The following C9orf40 variants were observed in gnomAD, a reference collection of about 807,000 sequenced individuals.
C9orf40 encodes the protein chromosome 9 open reading frame 40.
In C9orf40, 2 loss-of-function variants were observed where a neutral mutation model predicts 7.9. That is an observed-to-expected ratio of 0.25 (90% CI 0.10 to 0.80). The LOEUF (loss-of-function observed/expected upper bound fraction) is 0.80, where lower values mean the gene tolerates loss of function less well. Ranked by LOEUF, C9orf40 falls within the 30% of genes least tolerant of loss-of-function variation. The pLI, the probability that C9orf40 is intolerant of heterozygous loss-of-function variation, is 0.68. For missense variants in C9orf40, 256 were observed against 268.5 expected (o/e 0.95, Z 0.33); for synonymous variants, 113 against 117.6 (o/e 0.96, Z 0.25).
intron 1 of C9orf40, among the ~76,000 whole-genome samples, chr9:74,949,356 C>T (rs529773476): frequency 3.6e-4 from 55 of 152,272 alleles, no homozygotes; most frequent in African/African-American, 1.3e-3. Context: ...AAGACTCCAT[C>T]TCAATTTATG....
Position 74,948,108 on chromosome 9 carries a change from G to T in C9orf40, c.525C>A (p.Thr175=). ...LADIEDLSED[T]LTEATLQGRN... is the part of the protein sequence containing the mutation. The stretch of plus-strand genomic sequence containing the variant: ...TGCCCTGAAGTGTTGCTTCTGTCAG[G>T]GTGTCTTCACTTAAATCTTCAATGT... The change falls in exon 2 of 2, where the codon ACC becomes ACA. Residue 175 remains threonine (T), a synonymous_variant. Coordinates refer to ENST00000376854, the MANE Select transcript of C9orf40 (RefSeq NM_017998.3). 4.3e-6 allele frequency: 7 copies of T among 1,613,930 alleles called. No homozygotes were observed. Among genetic ancestry groups the T allele is most frequent in the Non-Finnish European group, 5.9e-6 (7 of 1,179,916 alleles).
chr9:74,952,417 C>A lies in C9orf40; in HGVS notation c.195G>T (p.Glu65Asp). 6.3e-7 allele frequency: 1 copy of A among 1,593,886 alleles called. No homozygotes were observed. The highest frequency in any genetic ancestry group is 8.5e-7 in the Non-Finnish European group (1 of 1,175,852). Reference sequence around the variant, plus strand: ...GGCGCTTGCTGGGCGAAGCCGAGGGCTCTGCCATGGTCCCTGCGTCGATTT... The same window carrying A: ...GGCGCTTGCTGGGCGAAGCCGAGGGATCTGCCATGGTCCCTGCGTCGATTT... ...KRKIDAGTMAEPSASPSKRRD... is the reference protein window; with the variant it reads ...KRKIDAGTMADPSASPSKRRD... Residue 65 changes from glutamate (E) to aspartate (D), a missense_variant, in exon 1 of 2, where the codon GAG becomes GAT. Physicochemically the swap from Glu to Asp is conservative, Grantham distance 45. Coordinates refer to ENST00000376854, the MANE Select transcript of C9orf40 (RefSeq NM_017998.3). The surrounding 1 kb of genome is among the most constrained non-coding windows in gnomAD (Gnocchi z 5.4).
Position 74,952,736 on chromosome 9 carries a change from A to C in C9orf40, c.-125T>G. On this transcript the variant is annotated 5_prime_UTR_variant, in exon 1 of 2. Transcript: ENST00000376854. This position sits in a 1 kb window ranked among gnomAD's most constrained non-coding sequence, Gnocchi z 5.4. The stretch of plus-strand genomic sequence containing the variant: ...GGCCGAAGTCGGGCGAGGAGGCGAC[A>C]GGACGCTGGAGGGGGTAGGGCGGGG... 1.2e-6 allele frequency: 1 copy of C among 844,028 alleles called. No individual in the cohort carries two copies. The highest frequency in any genetic ancestry group is 3.0e-5 in the East Asian group (1 of 33,780). 52.3% of individuals were successfully genotyped at this position (844,028 alleles called of 1,614,324 possible).
Position 74,952,300 on chromosome 9 carries a change from T to TA in C9orf40, c.311dup (p.Leu105ThrfsTer41). On this transcript the variant is annotated frameshift_variant, in exon 1 of 2. Transcript: ENST00000376854. LOFTEE classifies it high-confidence loss of function. The surrounding 1 kb of genome is among the most constrained non-coding windows in gnomAD (Gnocchi z 5.4). ...GGAGCTCCTCCCCCGGCCCCGGCAG[T>TA]ACGGGCGGCGGCGGCAGCGGCGGAT... The TA allele has an allele frequency of 7.3e-7, 1 of 1,361,026 alleles. No individual in the cohort carries two copies. Among genetic ancestry groups the TA allele is most frequent in the East Asian group, 3.0e-5 (1 of 33,060 alleles). 84.3% of individuals were successfully genotyped at this position (1,361,026 alleles called of 1,614,324 possible).
chr9:74,952,317 G>A lies in C9orf40; in HGVS notation c.295C>T (p.Leu99=). ...DHGLETGDPP[L]PPPPVLPGPG... ...CCCGGCAGTACGGGCGGCGGCGGCA[G>A]CGGCGGATCGCCTGTCTCCAGACCG... is the stretch of plus-strand genomic sequence containing the variant. Residue 99 remains leucine, a synonymous_variant, in exon 1 of 2, where the codon CTG becomes TTG. Transcript: ENST00000376854. This position sits in a 1 kb window ranked among gnomAD's most constrained non-coding sequence, Gnocchi z 5.4. 7.2e-7 allele frequency: 1 copy of A among 1,393,060 alleles called. No individual in the cohort carries two copies. Among genetic ancestry groups the A allele is most frequent in the Non-Finnish European group, 9.3e-7 (1 of 1,075,198 alleles). The allele number at this position is 1,393,060 out of a possible 1,614,324, so 86.3% of individuals were successfully genotyped here. A position where few individuals can be genotyped will look rare whatever the true frequency, so the allele number is the denominator to read the frequency against.
chr9:74,952,583 A>G lies in C9orf40; in HGVS notation c.29T>C (p.Val10Ala), dbSNP rs758434757. Residue 10 changes from valine to alanine, a missense_variant, in exon 1 of 2, where the codon GTG (valine) becomes GCG (alanine). Val to Ala is a moderately conservative substitution (Grantham distance 64). Transcript: ENST00000376854. This position sits in a 1 kb window ranked among gnomAD's most constrained non-coding sequence, Gnocchi z 5.4. Reference sequence around the variant, plus strand: ...CCGCTTCCAAGGCACGTGGAACGTCACCGGCTCGGCCGCACGCCGCTTGGC... The same window carrying G: ...CCGCTTCCAAGGCACGTGGAACGTCGCCGGCTCGGCCGCACGCCGCTTGGC... MAKRRAAEP[V>A]TFHVPWKRLL... 6.3e-7 allele frequency: 1 copy of G among 1,577,002 alleles called. No individual in the cohort carries two copies.
Position 74,952,253 on chromosome 9 carries a change from C to G in C9orf40, c.359G>C (p.Gly120Ala). The G allele has an allele frequency of 7.9e-7, 1 of 1,264,838 alleles. No individual in the cohort carries two copies. 78.4% of individuals were successfully genotyped at this position (1,264,838 alleles called of 1,614,324 possible). A position where few individuals can be genotyped will look rare whatever the true frequency, so the allele number is the denominator to read the frequency against. The change falls in exon 1 of 2, where the codon GGC becomes GCC. Residue 120 changes from glycine to alanine, a missense_variant. Physicochemically the swap from Gly to Ala is moderately conservative, Grantham distance 60 (BLOSUM62 0). Transcript: ENST00000376854. This position sits in a 1 kb window ranked among gnomAD's most constrained non-coding sequence, Gnocchi z 5.4. ...EELPGARLPG[G>A]GGDDGAGRAG... ...GCGCCCCGCCCCGTCGTCGCCACCG[C>G]CCCCCGGGAGCCGGGCGCCCGGGAG...
Position 74,947,882 on chromosome 9 carries a change from G to T in C9orf40, c.*166C>A, listed in dbSNP as rs983509748. ...ATCCTTGACAAATCCTTATTAAGAG[G>T]TTCAGTAGTAACTGTAGGTATTTAA... On this transcript the variant is annotated 3_prime_UTR_variant, in exon 2 of 2. Coordinates refer to ENST00000376854, the MANE Select transcript of C9orf40 (RefSeq NM_017998.3). 1 of 625,936 alleles carries T rather than the reference G, an allele frequency of 1.6e-6. No homozygotes were observed. Among genetic ancestry groups the T allele is most frequent in the Non-Finnish European group, 2.7e-6 (1 of 369,884 alleles). The allele number at this position is 625,936 out of a possible 1,614,324, so 38.8% of individuals were successfully genotyped here.
rs1587634463 is a variant in C9orf40, at chr9:74,946,596, A to G, written c.*1452T>C. On this transcript the variant is annotated 3_prime_UTR_variant, in exon 2 of 2. Coordinates refer to ENST00000376854, the MANE Select transcript of C9orf40 (RefSeq NM_017998.3). ...AAACAGTCTCTCTGAGGTAGATACT[A>G]TTTATTATTTCTCATTTTACAGGTG... 1.3e-5 allele frequency: 2 copies of G among 152,154 alleles called. No homozygotes were observed. Among genetic ancestry groups the G allele is most frequent in the African/African-American group, 4.8e-5 (2 of 41,446 alleles). 9.4% of individuals were successfully genotyped at this position (152,154 alleles called of 1,614,324 possible).
chr9:74,951,169 C>G (rs1238501889), intron 1 of C9orf40, among the ~76,000 whole-genome samples: 1 of 152,216 alleles, frequency 6.6e-6, no homozygotes, highest in Non-Finnish European at 1.5e-5. Context: ...CAAACCGAGG[C>G]ATACCTAGAT....
intron 1 of C9orf40, among the ~76,000 whole-genome samples, chr9:74,948,733 A>T (rs1334057949): frequency 6.6e-6 from 1 of 151,988 alleles, no homozygotes; most frequent in Non-Finnish European, 1.5e-5. Context: ...TTTATTAAAG[A>T]TAAAAAAAAA....
At chr9:74,949,984 C>CA (rs544322010) in intron 1 of C9orf40, among the ~76,000 whole-genome samples, 42,136 of 144,444 alleles carry the variant, frequency 0.29, 7,134 homozygotes, top group Non-Finnish European at 0.4. Context: ...CCCATCTCCA[C>CA]AAAAAAAAAA....
Position 74,952,535 on chromosome 9 carries a change from T to G in C9orf40, c.77A>C (p.Glu26Ala), listed in dbSNP as rs1160384390. 2.5e-6 allele frequency: 4 copies of G among 1,588,194 alleles called. No individual in the cohort carries two copies. The African/African-American group carries it at 5.4e-5, about 21-fold the overall frequency. ...CCAGAGAGGCGGTGGCGGCGGCTGC[T>G]CAGCGAAGTCGCAAAGCAGGAGCCG... ...WKRLLLCDFAEQPPPPPLWIR... is the reference protein window; with the variant it reads ...WKRLLLCDFAAQPPPPPLWIR... The change falls in exon 1 of 2, where the codon GAG becomes GCG. Residue 26 changes from glutamate (E) to alanine (A), a missense_variant. Glu to Ala is a moderately radical substitution (Grantham distance 107). Coordinates refer to ENST00000376854, the MANE Select transcript of C9orf40 (RefSeq NM_017998.3). The surrounding 1 kb of genome is among the most constrained non-coding windows in gnomAD (Gnocchi z 5.4).
At chr9:74,948,259 G>T in intron 1 of C9orf40, 53 bp from the exon 2 acceptor site, 1 of 1,354,656 alleles carries the variant, frequency 7.4e-7, no homozygotes, top group Non-Finnish European at 1.0e-6. Context: ...AAAAAATTAA[G>T]TTTTTTTCAG....
intron 1 of C9orf40, 68 bp from the exon 2 acceptor site, chr9:74,948,274 C>T: frequency 1.7e-6 from 2 of 1,180,460 alleles, no homozygotes. Context: ...TTTCAGAAAA[C>T]AAATTTGTTT....
In C9orf40 at chr9:74,951,286, CTTTCT is replaced by C. The variant is rs755812814; in HGVS notation, c.426+895_426+899del. On this transcript the variant is annotated intron_variant, in intron 1 of 1. Transcript: ENST00000376854. ...AAGGCCCAAATTAATTTTCTTTTTT[CTTTCT>C]TTTCTTTTCTTTTTTTTTGAGACAG... 8.2e-5 allele frequency among the ~76,000 whole-genome samples: 11 copies of C among 134,642 alleles called. No homozygotes were observed. In the South Asian group the frequency reaches 9.7e-4, roughly 12 times the overall value. The allele number at this position is 134,642 out of a possible 152,430, so 88.3% of individuals were successfully genotyped here. A position where few individuals can be genotyped will look rare whatever the true frequency, so the allele number is the denominator to read the frequency against.
In C9orf40 at chr9:74,952,650, G is replaced by T; in HGVS notation, c.-39C>A. ...CGGGCGGAGCCCGCCAGGCGCGGGA[G>T]ACCGAGTGCCGATAGCTGCGGGGGG... is the stretch of plus-strand genomic sequence containing the variant. On this transcript the variant is annotated 5_prime_UTR_variant, in exon 1 of 2. Transcript: ENST00000376854. This position sits in a 1 kb window ranked among gnomAD's most constrained non-coding sequence, Gnocchi z 5.4. 6.7e-7 allele frequency: 1 copy of T among 1,503,178 alleles called. No homozygotes were observed. The highest frequency in any genetic ancestry group is 8.8e-7 in the Non-Finnish European group (1 of 1,130,584). 93.1% of individuals were successfully genotyped at this position (1,503,178 alleles called of 1,614,324 possible).
In C9orf40 at chr9:74,948,240, A is replaced by G. The variant is rs868362210; in HGVS notation, c.427-34T>C. The stretch of plus-strand genomic sequence containing the variant: ...AAAAAAGAGAGATCAAAGAGCATCA[A>G]TAGCTTAGAAAAAATTAAGTTTTTT... On this transcript the variant is annotated intron_variant, in intron 1 of 1. Coordinates refer to ENST00000376854, the MANE Select transcript of C9orf40 (RefSeq NM_017998.3). 24 of 1,508,100 alleles carry G rather than the reference A, an allele frequency of 1.6e-5. 1 individual carries two copies. In the Middle Eastern group the frequency reaches 1.8e-3, roughly 111 times the overall value. 93.4% of individuals were successfully genotyped at this position (1,508,100 alleles called of 1,614,324 possible). A position where few individuals can be genotyped will look rare whatever the true frequency, so the allele number is the denominator to read the frequency against.
Position 74,949,561 on chromosome 9 carries a change from T to C in C9orf40, c.427-1355A>G, listed in dbSNP as rs1052583848. ...ATGACGTAACATTATCCTGCCTAGA[T>C]TGTATTCTCAATGTAGAAAAAAGGT... On this transcript the variant is annotated intron_variant, in intron 1 of 1. Coordinates refer to ENST00000376854, the MANE Select transcript of C9orf40 (RefSeq NM_017998.3). 9.8e-5 allele frequency among the ~76,000 whole-genome samples: 15 copies of C among 152,318 alleles called. No homozygotes were observed. The South Asian group carries it at 3.1e-3, about 32-fold the overall frequency.
Sources: allele counts gnomAD v4.1 joint callset (sites outside exome capture counted in the v4.1 genomes callset), GRCh38; gene constraint gnomAD v4.1.1; non-coding constraint Gnocchi (gnomAD v3.1); transcripts MANE v1.5; gene names NCBI Gene and HGNC (gene_info 2026-07-23, HGNC 2026-07-21).